The following NEK9 variants were observed in gnomAD, a reference collection of about 807,000 sequenced individuals.
The protein encoded by NEK9 is NIMA related kinase 9.
A neutral mutation model predicts 123.4 loss-of-function variants in NEK9; 75 were observed. The ratio of observed to expected loss-of-function variants is 0.61; its 90% CI spans 0.50 to 0.74. NEK9 has a LOEUF of 0.74. Among genes scored for constraint, NEK9 ranks in the 30% least tolerant of loss-of-function variants. NEK9 has a pLI of 0.00. For missense variants in NEK9, 952 were observed against 1,214.4 expected, an observed-to-expected ratio of 0.78 and a Z score of 3.21; for synonymous variants, 438 against 458.7, an observed-to-expected ratio of 0.95 and a Z score of 0.58.
intron 20 of NEK9, 40 bp from the exon 21 acceptor site, chr14:75,087,270 G>T: frequency 6.6e-7 from 1 of 1,521,160 alleles, no homozygotes; most frequent in Non-Finnish European, 9.0e-7. Context: ...GTTCTGCCCA[G>T]GTGTCATAGC....
rs1303515412 is a variant in NEK9, at chr14:75,126,842, TC to T, written c.79del (p.Asp27ThrfsTer59). ...DFGSESGGCGDSSPGPSASQG... is the reference protein window; with the variant it reads ...DFGSESGGCGXSSPGPSASQG... The stretch of plus-strand genomic sequence containing the variant: ...ACTGGCGCTAGGCCCCGGACTCGAG[TC>T]CCCGCAACCCCCGGACTCGCTCCCA... On this transcript the variant is annotated frameshift_variant, in exon 1 of 22. Coordinates refer to ENST00000238616, the MANE Select transcript of NEK9 (RefSeq NM_033116.6). LOFTEE classifies it high-confidence loss of function. 2 of 1,532,542 alleles carry T rather than the reference TC, an allele frequency of 1.3e-6. No homozygotes were observed. Among genetic ancestry groups the T allele is most frequent in the Admixed American group, 2.0e-5 (1 of 49,342 alleles). The allele number at this position is 1,532,542 out of a possible 1,614,324, so 94.9% of individuals were successfully genotyped here.
chr14:75,084,695 AT>A lies in NEK9; in HGVS notation c.2818-10del. ...TTGGAATGCATCCCCACCTGTCCGG[AT>A]AAAACACGGTTCCACATTAGCAACA... On this transcript the variant is annotated splice_polypyrimidine_tract_variant and intron_variant, in intron 21 of 21. Transcript: ENST00000238616. 1 of 1,613,950 alleles carries A rather than the reference AT, an allele frequency of 6.2e-7. No individual in the cohort carries two copies. The highest frequency in any genetic ancestry group is 8.5e-7 in the Non-Finnish European group (1 of 1,179,958).
intron 13 of NEK9, among the ~76,000 whole-genome samples, chr14:75,105,030 GGA>G (rs1894722786): frequency 6.6e-6 from 1 of 152,182 alleles, no homozygotes; most frequent in Non-Finnish European, 1.5e-5. Context: ...TCATTTTATA[GGA>G]GAGGTGACAG....
chr14:75,100,890 C>A, intron 16 of NEK9, 102 bp downstream of exon 16: 1 of 1,193,348 alleles, frequency 8.4e-7, no homozygotes, highest in Non-Finnish European at 1.2e-6. Context: ...AAAAGTACAT[C>A]CACAATTCAG....
At chr14:75,095,468 T>C (rs779111968) in intron 17 of NEK9, 37 bp from the exon 18 acceptor site, 21 of 1,416,112 alleles carry the variant, frequency 1.5e-5, no homozygotes, top group Middle Eastern at 1.8e-4. Context: ...CACTGTATAC[T>C]GATATAGGCA....
At chr14:75,091,708 C>T (rs1894224104) in intron 18 of NEK9, 2 of 411,146 alleles carry the variant, frequency 4.9e-6, no homozygotes, top group Non-Finnish European at 8.5e-6. Context: ...TAATTCACTT[C>T]CATTTACCAA....
chr14:75,109,975 G>A, intron 9 of NEK9, 98 bp from the exon 10 acceptor site: 2 of 1,187,948 alleles, frequency 1.7e-6, no homozygotes, highest in Admixed American at 2.6e-5. Context: ...TGCCAATTAT[G>A]GTATGAGAAA....
Position 75,088,649 on chromosome 14 carries a change from T to C in NEK9, c.2443-8A>G, listed in dbSNP as rs1353048881. The C allele has an allele frequency of 6.2e-7, 1 of 1,611,240 alleles. No homozygotes were observed. The highest frequency in any genetic ancestry group is 1.1e-5 in the South Asian group (1 of 90,698). ...TTCTGCATTTTCCAGCTCCTATGTA[T>C]ATGAGAAAGAATCTCATTAGTCTGT... is the stretch of plus-strand genomic sequence containing the variant. On this transcript the variant is annotated splice_region_variant and splice_polypyrimidine_tract_variant and intron_variant, in intron 19 of 21. Coordinates refer to ENST00000238616, the MANE Select transcript of NEK9 (RefSeq NM_033116.6).
intron 18 of NEK9, among the ~76,000 whole-genome samples, chr14:75,094,023 TTA>T (rs1415835702): frequency 2.0e-5 from 3 of 152,224 alleles, no homozygotes; most frequent in African/African-American, 7.2e-5. Flanking sequence ...GCTTTTAATT[TTA>T]TGTTTTTCCT....
intron 18 of NEK9, among the ~76,000 whole-genome samples, chr14:75,092,045 T>C (rs1594825055): frequency 6.6e-6 from 1 of 152,234 alleles, no homozygotes; most frequent in East Asian, 1.9e-4. Flanking sequence ...AGTGGCCCGA[T>C]CTTGGCTCAC....
chr14:75,101,525 A>T, intron 15 of NEK9, 132 bp downstream of exon 15: 1 of 578,560 alleles, frequency 1.7e-6, no homozygotes, highest in Non-Finnish European at 3.0e-6. Flanking sequence ...TATGTACCTG[A>T]ATACATTAAT....
rs1267769845 is a variant in NEK9 at position 75,080,524 on chromosome 14, T to C, written c.*4040A>G. The C allele has an allele frequency of 6.6e-6, 1 of 152,124 alleles. No homozygotes were observed. Among genetic ancestry groups the C allele is most frequent in the Non-Finnish European group, 1.5e-5 (1 of 68,036 alleles). The allele number at this position is 152,124 out of a possible 1,614,324, so 9.4% of individuals were successfully genotyped here. ...ACAACTTTATCCAAGAAATGTTTAG[T>C]GCAAGTAAACATTATAAAGTTCATA... On this transcript the variant is annotated 3_prime_UTR_variant, in exon 22 of 22. Transcript: ENST00000238616.
At chr14:75,119,845 A>G (rs1895265953) in intron 4 of NEK9, among the ~76,000 whole-genome samples, 1 of 152,260 alleles carries the variant, frequency 6.6e-6, no homozygotes, top group Admixed American at 6.5e-5. Flanking sequence ...ATAAACCAGA[A>G]CAATATACTT....
At position 75,091,459 on chromosome 14, in the gene NEK9, C is replaced by T. The variant is rs201233187; in HGVS notation, c.2253G>A (p.Pro751=). 71 of 1,595,054 alleles carry T rather than the reference C, an allele frequency of 4.5e-5. No individual in the cohort carries two copies. The East Asian group carries it at 6.7e-4, about 15-fold the overall frequency. The change falls in exon 19 of 22, where the codon CCG becomes CCA. Residue 751 remains proline, a synonymous_variant. Coordinates refer to ENST00000238616, the MANE Select transcript of NEK9 (RefSeq NM_033116.6). ...SIGTVFQSSS[P]GGGGGGGGGE... is the part of the protein sequence containing the mutation. ...CACCGCCGCCCCCGCCGCCTCCTCC[C>T]GGGCTAGAGCTCTGAAACACTGACA...
intron 2 of NEK9, among the ~76,000 whole-genome samples, chr14:75,121,723 T>C (rs912465526): frequency 6.6e-6 from 1 of 152,190 alleles, no homozygotes; most frequent in Admixed American, 6.5e-5. Context: ...TTGGGGCATG[T>C]GCCTGTGGTC....
At chr14:75,104,239 A>G (rs1262375638) in intron 13 of NEK9, among the ~76,000 whole-genome samples, 1 of 150,454 alleles carries the variant, frequency 6.6e-6, no homozygotes, top group Non-Finnish European at 1.5e-5. Flanking sequence ...ATCTTAGCTC[A>G]CCGCAATCTC....
At chr14:75,104,748 G>T in intron 13 of NEK9, among the ~76,000 whole-genome samples, 1 of 152,200 alleles carries the variant, frequency 6.6e-6, no homozygotes, top group Non-Finnish European at 1.5e-5. Context: ...CTCCCAAAGT[G>T]CTGGGATTAC....
At chr14:75,116,989 G>A (rs754593065) in intron 6 of NEK9, among the ~76,000 whole-genome samples, 24 of 152,062 alleles carry the variant, frequency 1.6e-4, no homozygotes, top group Admixed American at 2.6e-4. Context: ...CACCCACCTC[G>A]GCCTCCCAAA....
chr14:75,086,928 AG>A, intron 21 of NEK9, 89 bp downstream of exon 21: 1 of 1,345,568 alleles, frequency 7.4e-7, no homozygotes, highest in Non-Finnish European at 1.1e-6. Flanking sequence ...GGACCTGCAA[AG>A]GAACAAGTCT....
Sources: gnomAD v4.1 joint callset for allele counts (sites outside exome capture counted in the v4.1 genomes callset) on GRCh38, gnomAD v4.1.1 for gene constraint, MANE v1.5 for transcripts, NCBI Gene and HGNC (gene_info 2026-07-23, HGNC 2026-07-21) for gene names.